The following ZRANB1 variants were observed in gnomAD, a reference collection of about 807,000 sequenced individuals.
ZRANB1 encodes ubiquitin thioesterase ZRANB1.
In ZRANB1, 16 loss-of-function variants were observed where a neutral mutation model predicts 80.5. The observed-to-expected ratio is 0.20, with a 90% CI of 0.13 to 0.30. The LOEUF (loss-of-function observed/expected upper bound fraction) is 0.30, where lower values mean the gene tolerates loss of function less well. ZRANB1 is among the 10% of genes least tolerant of loss of function. The probability of loss-of-function intolerance (pLI) is 1.00; values close to 1 mark genes in which losing one functional copy is unlikely to be tolerated. For missense variants in ZRANB1, 576 were observed against 862.6 expected (o/e 0.67, Z 4.16); for synonymous variants, 291 against 293.1 (o/e 0.99, Z 0.07).
the ZRANB1 span, among the ~76,000 whole-genome samples, chr10:124,928,784 A>C: frequency 6.6e-6 from 1 of 152,348 alleles, no homozygotes; most frequent in Non-Finnish European, 1.5e-5. Flanking sequence ...AGAAAATTAA[A>C]GTAGGGTGAT....
chr10:124,941,131 G>A (rs1242652944), upstream of ZRANB1, among the ~76,000 whole-genome samples: 2 of 151,864 alleles, frequency 1.3e-5, no homozygotes, highest in Admixed American at 6.6e-5. Context: ...TGAAAAATAG[G>A]TGTTGGGATG....
Position 124,981,999 on chromosome 10 carries a change from TAGCATCGCAAGTATAGATG to T in ZRANB1, c.1548+189_1548+207del, listed in dbSNP as rs557864593. Among the ~76,000 whole-genome samples the T allele has an allele frequency of 6.6e-4, 100 of 152,218 alleles. 2 individuals carry two copies. Among genetic ancestry groups the T allele is most frequent in the African/African-American group, 4.3e-4 (18 of 41,444 alleles). On this transcript the variant is annotated intron_variant, in intron 6 of 8. Coordinates refer to ENST00000359653, the MANE Select transcript of ZRANB1 (RefSeq NM_017580.3). The stretch of plus-strand genomic sequence containing the variant: ...TGATGACTGCTGTGTATCAAATAAA[TAGCATCGCAAGTATAGATG>T]AGCATCGCAAGTATAGATTAGCATC...
At chr10:124,974,566 TG>T (rs551551444) in intron 5 of ZRANB1, among the ~76,000 whole-genome samples, 168 bp downstream of exon 5, 18 of 152,384 alleles carry the variant, frequency 1.2e-4, no homozygotes, top group African/African-American at 3.8e-4. Flanking sequence ...TTTCTGTTTT[TG>T]TTTTTCCCCC....
Position 124,983,477 on chromosome 10 carries a change from T to G in ZRANB1, c.1697T>G (p.Leu566Trp), listed in dbSNP as rs749379467. The G allele has an allele frequency of 3.1e-6, 5 of 1,611,670 alleles. No homozygotes were observed. In the South Asian group the frequency reaches 5.5e-5, roughly 18 times the overall value. The stretch of plus-strand genomic sequence containing the variant: ...TTTCCAGGTGTTTATCTGCCTTTGT[T>G]GTGGGAACAGAGTTTTTGTTGGAAA... ...TRFQGVYLPLLWEQSFCWKSP... is the reference protein window; with the variant it reads ...TRFQGVYLPLWWEQSFCWKSP... The change falls in exon 8 of 9, where the codon TTG becomes TGG. Residue 566 changes from leucine (L) to tryptophan (W), a missense_variant. By Grantham distance (61) the Leu-to-Trp change is moderately conservative (BLOSUM62 -2). Around this residue, in one of 3 missense-constraint regions of ZRANB1, gnomAD observed 152 missense variants for 221.9 expected, o/e 0.69. Transcript: ENST00000359653. This position sits in a 1 kb window ranked among gnomAD's most constrained non-coding sequence, Gnocchi z 6.2.
chr10:124,941,596 C>T (rs147889437), upstream of ZRANB1, among the ~76,000 whole-genome samples: 893 of 152,220 alleles, frequency 5.9e-3, 7 homozygotes, highest in African/African-American at 0.018. Context: ...GTGATCTACC[C>T]GCCTCAGCCT....
At chr10:124,967,686 G>A (rs2134283684) in intron 2 of ZRANB1, among the ~76,000 whole-genome samples, 1 of 152,222 alleles carries the variant, frequency 6.6e-6, no homozygotes, top group East Asian at 1.9e-4. Context: ...GTACCCAGAA[G>A]GGTAGCCTTA....
chr10:124,920,752 T>C, the ZRANB1 span, among the ~76,000 whole-genome samples: 1 of 152,102 alleles, frequency 6.6e-6, no homozygotes, highest in East Asian at 1.9e-4. Context: ...GACTTTCTTT[T>C]CTTAGAATAT....
At chr10:124,959,626 C>T (rs1951715177) in intron 1 of ZRANB1, among the ~76,000 whole-genome samples, 1 of 152,136 alleles carries the variant, frequency 6.6e-6, no homozygotes, top group South Asian at 2.1e-4. Context: ...GCCAGCACGC[C>T]TGGCTTATTC....
At chr10:124,932,454 T>A in the ZRANB1 span, among the ~76,000 whole-genome samples, 1 of 152,176 alleles carries the variant, frequency 6.6e-6, no homozygotes, top group Admixed American at 6.5e-5. Flanking sequence ...CGCACCTGGC[T>A]AGTTTTTTAT....
At chr10:124,978,714 C>A (rs1249383107) in intron 5 of ZRANB1, among the ~76,000 whole-genome samples, 1 of 152,082 alleles carries the variant, frequency 6.6e-6, no homozygotes, top group South Asian at 2.1e-4. Context: ...TAACCTTATA[C>A]CTTGTGGGCT....
the ZRANB1 span, among the ~76,000 whole-genome samples, chr10:124,918,277 G>C: frequency 1.3e-5 from 2 of 152,006 alleles, no homozygotes; most frequent in Non-Finnish European, 2.9e-5. Context: ...CGCAACCTCC[G>C]CCTCCCAGGT....
At position 124,959,680 on chromosome 10, in the gene ZRANB1, G is replaced by C. The variant is rs528313040; in HGVS notation, c.815-6914G>C. On this transcript the variant is annotated intron_variant, in intron 1 of 8. Transcript: ENST00000359653. ...ATTGGGTTTCTCCCAGGCTGGTCTT[G>C]AACTGCTGAGCTCAAGCAGTCTGCC... Among the ~76,000 whole-genome samples the C allele has an allele frequency of 4.6e-5, 7 of 152,218 alleles. No individual in the cohort carries two copies. In the South Asian group the frequency reaches 6.2e-4, roughly 14 times the overall value.
intron 1 of ZRANB1, among the ~76,000 whole-genome samples, chr10:124,950,834 A>G (rs1951633192): frequency 6.6e-6 from 1 of 152,200 alleles, no homozygotes; most frequent in Non-Finnish European, 1.5e-5. Context: ...AAAAAAAATT[A>G]GCAGGACATG....
chr10:124,967,222 T>G (rs1365034724), intron 2 of ZRANB1, among the ~76,000 whole-genome samples: 1 of 152,222 alleles, frequency 6.6e-6, no homozygotes, highest in Non-Finnish European at 1.5e-5. Context: ...TGCCAGTACT[T>G]GAAGAGTTTT....
At chr10:124,952,714 G>T (rs1448952124) in intron 1 of ZRANB1, among the ~76,000 whole-genome samples, 1 of 151,802 alleles carries the variant, frequency 6.6e-6, no homozygotes, top group African/African-American at 2.4e-5. Flanking sequence ...GAGTTCAAGT[G>T]ATTCTCCTGC....
the ZRANB1 span, among the ~76,000 whole-genome samples, chr10:124,919,044 TA>T: frequency 2.0e-5 from 3 of 152,190 alleles, no homozygotes; most frequent in Admixed American, 6.5e-5. Flanking sequence ...TTCATGGTAA[TA>T]TATTTTAAGC....
intron 5 of ZRANB1, among the ~76,000 whole-genome samples, chr10:124,978,688 C>T (rs555605718): frequency 2.0e-5 from 3 of 152,000 alleles, no homozygotes; most frequent in East Asian, 1.9e-4. Context: ...TGCAGTGGTG[C>T]GATCTTGGCT....
chr10:124,968,187 G>A (rs1278825609), intron 2 of ZRANB1, among the ~76,000 whole-genome samples: 2 of 152,206 alleles, frequency 1.3e-5, no homozygotes, highest in Admixed American at 6.5e-5. Context: ...ATGAGCCACC[G>A]TGTCTGGCCA....
In ZRANB1 at chr10:124,962,893, C is replaced by A. The variant is rs535297260; in HGVS notation, c.815-3701C>A. Among the ~76,000 whole-genome samples the A allele has an allele frequency of 3.3e-5, 5 of 152,162 alleles. No homozygotes were observed. The East Asian group carries it at 9.7e-4, about 29-fold the overall frequency. ...TCGTCCCAGAGTGGCTTCAGCTGTC[C>A]TTTTATTTGTCTTCATGAAGGAGAA... On this transcript the variant is annotated intron_variant, in intron 1 of 8. Transcript: ENST00000359653.
Sources: allele counts gnomAD v4.1 joint callset (sites outside exome capture counted in the v4.1 genomes callset), GRCh38; gene constraint gnomAD v4.1.1; regional missense constraint gnomAD v4.1.1; non-coding constraint Gnocchi (gnomAD v3.1); transcripts MANE v1.5; gene names NCBI Gene and HGNC (gene_info 2026-07-23, HGNC 2026-07-21).